LRRC3B: variants seen among roughly 807,000 people sequenced by gnomAD.
LRRC3B encodes leucine rich repeat containing 3B.
Under a neutral mutation model 12.8 loss-of-function variants are expected in LRRC3B, and 2 were observed. The observed-to-expected ratio is 0.16, with a 90% CI of 0.06 to 0.49. The LOEUF is 0.49. Among genes scored for constraint, LRRC3B ranks in the 20% least tolerant of loss-of-function variants. The probability of loss-of-function intolerance (pLI) is 0.96; values close to 1 mark genes in which losing one functional copy is unlikely to be tolerated. For synonymous variants in LRRC3B, 132 were observed against 122.0 expected (o/e 1.08, Z -0.54); for missense variants, 189 against 319.4 (o/e 0.59, Z 3.11).
intron 1 of LRRC3B, among the ~76,000 whole-genome samples, chr3:26,695,727 A>G (rs1700299622): frequency 1.3e-5 from 2 of 150,034 alleles, no homozygotes; most frequent in South Asian, 4.1e-4. Flanking sequence ...ATCTGTAGAT[A>G]AACATGTGTG....
intron 1 of LRRC3B, among the ~76,000 whole-genome samples, chr3:26,687,348 T>TTGC (rs1700108071): frequency 6.6e-6 from 1 of 152,248 alleles, no homozygotes; most frequent in African/African-American, 2.4e-5. Context: ...TTTAAAATTT[T>TTGC]TGCTGCTATG....
chr3:26,695,884 T>C (rs1037942738), intron 1 of LRRC3B, among the ~76,000 whole-genome samples: 1 of 152,176 alleles, frequency 6.6e-6, no homozygotes, highest in Admixed American at 6.5e-5. Context: ...GGAGAGGGCA[T>C]TTCGGCCTCC....
chr3:26,657,411 C>A (rs143419557), intron 1 of LRRC3B, among the ~76,000 whole-genome samples: 1 of 152,254 alleles, frequency 6.6e-6, no homozygotes, highest in African/African-American at 2.4e-5. Flanking sequence ...TACTTTGGGT[C>A]AATGACAGAA....
chr3:26,689,867 G>T (rs975079528), intron 1 of LRRC3B, among the ~76,000 whole-genome samples: 12 of 152,322 alleles, frequency 7.9e-5, no homozygotes, highest in Non-Finnish European at 1.8e-4. Context: ...TGGGTGTCTT[G>T]CTCTGCTCTG....
intron 1 of LRRC3B, among the ~76,000 whole-genome samples, chr3:26,676,412 A>C (rs2125437572): frequency 6.6e-6 from 1 of 151,972 alleles, no homozygotes; most frequent in South Asian, 2.1e-4. Flanking sequence ...AAGGACATGA[A>C]CTCATCATTT....
chr3:26,651,522 T>C (rs984989414), intron 1 of LRRC3B, among the ~76,000 whole-genome samples: 1 of 152,296 alleles, frequency 6.6e-6, no homozygotes, highest in Admixed American at 6.5e-5. Flanking sequence ...GTCAGAAAAT[T>C]TACTTTATCA....
intron 1 of LRRC3B, among the ~76,000 whole-genome samples, chr3:26,662,257 G>A (rs1251085111): frequency 6.6e-6 from 1 of 152,000 alleles, no homozygotes; most frequent in Non-Finnish European, 1.5e-5. Context: ...TCTCTGCCAT[G>A]CCCAACTTGT....
At chr3:26,688,242 A>G (rs1327593624) in intron 1 of LRRC3B, among the ~76,000 whole-genome samples, 1 of 152,238 alleles carries the variant, frequency 6.6e-6, no homozygotes, top group Non-Finnish European at 1.5e-5. Flanking sequence ...GTCAGCAGAA[A>G]AGAATGTTCC....
intron 1 of LRRC3B, among the ~76,000 whole-genome samples, chr3:26,661,026 A>G (rs1699481320): frequency 6.6e-6 from 1 of 152,178 alleles, no homozygotes; most frequent in African/African-American, 2.4e-5. Context: ...ATAGCTTCAA[A>G]AAATTTTCTT....
intron 1 of LRRC3B, among the ~76,000 whole-genome samples, chr3:26,648,515 T>A (rs990767989): frequency 6.6e-6 from 1 of 152,144 alleles, no homozygotes; most frequent in Non-Finnish European, 1.5e-5. Context: ...GTAGAAATCA[T>A]TGTACTTGGG....
chr3:26,627,176 T>G lies in LRRC3B; in HGVS notation c.-161+3939T>G, dbSNP rs1698646447. ...AGTCACTTGAGGATTTCATATACCT[T>G]TAAGCGTTTTTGTGGGACAAAGTTC... is the stretch of plus-strand genomic sequence containing the variant. On this transcript the variant is annotated intron_variant, in intron 1 of 1. Transcript: ENST00000396641. Among the ~76,000 whole-genome samples the G allele has an allele frequency of 2.0e-5, 3 of 152,196 alleles. No homozygotes were observed. The South Asian group carries it at 6.2e-4, about 31-fold the overall frequency.
At chr3:26,686,322 G>A (rs370999321) in intron 1 of LRRC3B, among the ~76,000 whole-genome samples, 28 of 152,044 alleles carry the variant, frequency 1.8e-4, no homozygotes, top group Admixed American at 3.9e-4. Flanking sequence ...CTCGTGATCC[G>A]CCTGCCTTGG....
chr3:26,626,363 G>A (rs866487087), intron 1 of LRRC3B, among the ~76,000 whole-genome samples: 1 of 152,234 alleles, frequency 6.6e-6, no homozygotes, highest in Non-Finnish European at 1.5e-5. Flanking sequence ...TTATGTAGCA[G>A]TTGTATTCTG....
At chr3:26,639,496 T>TTAAAATTAAA in intron 1 of LRRC3B, among the ~76,000 whole-genome samples, 1 of 140,798 alleles carries the variant, frequency 7.1e-6, no homozygotes, top group Middle Eastern at 3.7e-3. Context: ...TTAAATTAAA[T>TTAAAATTAAA]TTAAATTAAA....
chr3:26,630,676 A>C (rs1698737977), intron 1 of LRRC3B, among the ~76,000 whole-genome samples: 1 of 152,206 alleles, frequency 6.6e-6, no homozygotes, highest in Non-Finnish European at 1.5e-5. Flanking sequence ...GAGATGGTAC[A>C]TTGCCATTTA....
chr3:26,687,662 G>T (rs1216931043), intron 1 of LRRC3B, among the ~76,000 whole-genome samples: 2 of 152,166 alleles, frequency 1.3e-5, no homozygotes, highest in Non-Finnish European at 1.5e-5. Flanking sequence ...CCACAGAAGA[G>T]CTGCAGCCTC....
At chr3:26,647,657 G>A (rs540074442) in intron 1 of LRRC3B, among the ~76,000 whole-genome samples, 3 of 152,250 alleles carry the variant, frequency 2.0e-5, no homozygotes, top group Admixed American at 1.3e-4. Flanking sequence ...AAGATACGGC[G>A]TTTCTGACAC....
intron 1 of LRRC3B, among the ~76,000 whole-genome samples, chr3:26,653,997 C>T (rs1272994161): frequency 6.6e-6 from 1 of 152,024 alleles, no homozygotes; most frequent in African/African-American, 2.4e-5. Context: ...CCTAAAATAG[C>T]CTGTGTGATA....
intron 1 of LRRC3B, among the ~76,000 whole-genome samples, chr3:26,678,282 C>A (rs1476858851): frequency 3.3e-5 from 5 of 151,882 alleles, no homozygotes; most frequent in Admixed American, 1.3e-4. Context: ...TCACATGAGA[C>A]CAGGAGTTTG....
Sources: allele counts gnomAD v4.1 joint callset (sites outside exome capture counted in the v4.1 genomes callset), GRCh38; gene constraint gnomAD v4.1.1; transcripts MANE v1.5; gene names NCBI Gene and HGNC (gene_info 2026-07-23, HGNC 2026-07-21).